Variants in MDGA2 observed in about 807,000 individuals in gnomAD.
MDGA2 encodes the protein MAM domain containing glycosylphosphatidylinositol anchor 2.
A neutral mutation model predicts 117.8 loss-of-function variants in MDGA2; 40 were observed. The ratio of observed to expected loss-of-function variants is 0.34; its 90% confidence interval spans 0.26 to 0.44. The LOEUF is 0.44. MDGA2 is among the 20% of genes least tolerant of loss of function. The probability of loss-of-function intolerance (pLI) is 1.00; values close to 1 mark genes in which losing one functional copy is unlikely to be tolerated. For missense variants in MDGA2, 1,123 were observed against 1,250.6 expected (o/e 0.90, Z 1.54); for synonymous variants, 452 against 439.0 (o/e 1.03, Z -0.37).
intron 15 of MDGA2, among the ~76,000 whole-genome samples, chr14:46,850,757 T>C (rs900839415): frequency 8.6e-5 from 13 of 151,896 alleles, no homozygotes; most frequent in African/African-American, 3.1e-4. Context: ...AACTTAACAA[T>C]ACTCTGCCAG....
intron 2 of MDGA2, among the ~76,000 whole-genome samples, chr14:47,278,827 C>G (rs1365049038): frequency 6.6e-6 from 1 of 152,132 alleles, no homozygotes; most frequent in Non-Finnish European, 1.5e-5. Flanking sequence ...TATGTTCTTT[C>G]AGGATTATTC....
At chr14:47,298,312 AC>A (rs1395289306) in intron 2 of MDGA2, among the ~76,000 whole-genome samples, 4 of 152,094 alleles carry the variant, frequency 2.6e-5, no homozygotes, top group African/African-American at 4.8e-5. Context: ...CTCTCAGGCC[AC>A]TACCCATCAC....
chr14:47,537,248 T>C (rs184820312), intron 1 of MDGA2, among the ~76,000 whole-genome samples: 3 of 132,354 alleles, frequency 2.3e-5, no homozygotes, highest in African/African-American at 8.8e-5. Context: ...TAGGTGGGAA[T>C]TGAACAATGA....
rs367994137 is a variant in MDGA2 at position 46,994,434 on chromosome 14, C to T, written c.1820-36791G>A. ...GACAGTCTGCAAAGGATTGTGTCCT[C>T]AAGCTTTGCAGCTGGACTAACTCCT... On this transcript the variant is annotated intron_variant, in intron 8 of 16. Coordinates refer to ENST00000399232, the MANE Select transcript of MDGA2 (RefSeq NM_001113498.3). Among the ~76,000 whole-genome samples the T allele has an allele frequency of 6.2e-4, 94 of 152,186 alleles. 2 individuals carry two copies. The highest frequency in any genetic ancestry group is 2.2e-3 in the African/African-American group (90 of 41,538).
chr14:47,474,764 G>T (rs1893801615), intron 1 of MDGA2, among the ~76,000 whole-genome samples: 1 of 152,126 alleles, frequency 6.6e-6, no homozygotes, highest in Non-Finnish European at 1.5e-5. Context: ...ATATGGTGCT[G>T]GGAACTGGCT....
intron 1 of MDGA2, among the ~76,000 whole-genome samples, chr14:47,660,283 A>G (rs2138289719): frequency 6.6e-6 from 1 of 152,326 alleles, no homozygotes; most frequent in South Asian, 2.1e-4. Context: ...GCTACAGCTG[A>G]ATATAATACC....
At chr14:47,377,149 A>C (rs1026664869) in intron 1 of MDGA2, among the ~76,000 whole-genome samples, 1 of 152,182 alleles carries the variant, frequency 6.6e-6, no homozygotes, top group African/African-American at 2.4e-5. Flanking sequence ...GAGGTAGATT[A>C]TCAAAAATTG....
At chr14:47,169,021 T>A (rs1013031683) in intron 3 of MDGA2, among the ~76,000 whole-genome samples, 1 of 152,066 alleles carries the variant, frequency 6.6e-6, no homozygotes, top group Non-Finnish European at 1.5e-5. Context: ...GATATATAGA[T>A]AGATAGATAG....
At position 46,879,210 on chromosome 14, in the gene MDGA2, A is replaced by G. The variant is rs141940431; in HGVS notation, c.2417-1701T>C. 3.9e-3 allele frequency among the ~76,000 whole-genome samples: 589 copies of G among 152,212 alleles called. 8 individuals carry two copies. Among genetic ancestry groups the G allele is most frequent in the African/African-American group, 0.012 (511 of 41,542 alleles). ...CCTTATAAGAGGAGGAGGAGACACC[A>G]GAGAGCTCTCTCTGCCATGTGAAGA... On this transcript the variant is annotated intron_variant, in intron 11 of 16. Transcript: ENST00000399232.
intron 1 of MDGA2, among the ~76,000 whole-genome samples, chr14:47,537,575 A>T (rs974573446): frequency 2.6e-4 from 3 of 11,412 alleles, no homozygotes; most frequent in African/African-American, 9.2e-4. Context: ...TCTCTCTGTT[A>T]AAAAAAAAAA....
At chr14:47,218,345 A>G (rs1886176412) in intron 2 of MDGA2, 150 bp from the exon 3 acceptor site, 2 of 707,946 alleles carry the variant, frequency 2.8e-6, no homozygotes, top group African/African-American at 1.8e-5. Context: ...GTTTACAGAC[A>G]CGATTGAATT....
At chr14:47,125,684 C>T (rs1048923393) in intron 5 of MDGA2, among the ~76,000 whole-genome samples, 1 of 151,890 alleles carries the variant, frequency 6.6e-6, no homozygotes, top group Non-Finnish European at 1.5e-5. Context: ...ACTTTTATGG[C>T]TTGGTTTCTT....
At chr14:47,476,231 T>C (rs1345402686) in intron 1 of MDGA2, among the ~76,000 whole-genome samples, 1 of 152,196 alleles carries the variant, frequency 6.6e-6, no homozygotes, top group Non-Finnish European at 1.5e-5. Flanking sequence ...GCAGTCACAC[T>C]TGCTAGGAGT....
At chr14:47,172,112 C>T (rs1314717094) in intron 3 of MDGA2, among the ~76,000 whole-genome samples, 1 of 152,170 alleles carries the variant, frequency 6.6e-6, no homozygotes, top group Admixed American at 6.5e-5. Context: ...CCACCATAGC[C>T]CAGGCTTGCT....
intron 6 of MDGA2, among the ~76,000 whole-genome samples, chr14:47,074,470 T>C (rs1427891574): frequency 6.6e-6 from 1 of 152,058 alleles, no homozygotes; most frequent in Non-Finnish European, 1.5e-5. Context: ...CCGGCTAATT[T>C]TTTCTATTTT....
At chr14:47,413,297 G>A (rs905860712) in intron 1 of MDGA2, among the ~76,000 whole-genome samples, 20 of 152,272 alleles carry the variant, frequency 1.3e-4, no homozygotes, top group African/African-American at 4.6e-4. Context: ...CTGAAGTTAA[G>A]AGCATGTCCT....
At chr14:47,593,444 C>T (rs945352879) in intron 1 of MDGA2, among the ~76,000 whole-genome samples, 2 of 152,020 alleles carry the variant, frequency 1.3e-5, no homozygotes, top group East Asian at 1.9e-4. Flanking sequence ...GTTCACGCCA[C>T]GCTATTCACA....
chr14:47,186,748 A>C (rs1469797661), intron 3 of MDGA2, among the ~76,000 whole-genome samples: 1 of 151,968 alleles, frequency 6.6e-6, no homozygotes, highest in Non-Finnish European at 1.5e-5. Context: ...ACCTCTAGTA[A>C]TTTAATCCTT....
At chr14:47,114,548 A>G (rs144924767) in intron 5 of MDGA2, among the ~76,000 whole-genome samples, 422 of 152,292 alleles carry the variant, frequency 2.8e-3, no homozygotes, top group Non-Finnish European at 4.7e-3. Flanking sequence ...TAACCAAAAC[A>G]GCAGGGTAGT....
Sources: allele counts gnomAD v4.1 joint callset (sites outside exome capture counted in the v4.1 genomes callset), GRCh38; gene constraint gnomAD v4.1.1; transcripts MANE v1.5; gene names NCBI Gene and HGNC (gene_info 2026-07-23, HGNC 2026-07-21).